The following OSBPL8 variants were observed in gnomAD, a reference collection of about 807,000 sequenced individuals.
The protein encoded by OSBPL8 is oxysterol-binding protein-related protein 8.
In OSBPL8, 59 loss-of-function variants were observed where a neutral mutation model predicts 125.5. The observed-to-expected ratio is 0.47, with a 90% CI of 0.38 to 0.58. The LOEUF (loss-of-function observed/expected upper bound fraction) is 0.58. OSBPL8 is among the 20% of genes least tolerant of loss of function. OSBPL8 has a pLI of 0.00. For missense variants in OSBPL8, 758 were observed against 1,047.8 expected (o/e 0.72, Z 3.82); for synonymous variants, 330 against 338.9 (o/e 0.97, Z 0.29).
chr12:76,500,538 A>G (rs541296709), intron 1 of OSBPL8, among the ~76,000 whole-genome samples: 2 of 152,160 alleles, frequency 1.3e-5, no homozygotes, highest in African/African-American at 4.8e-5. Context: ...TTAAAATTGC[A>G]TATGTTCCTA....
chr12:76,536,508 G>A (rs1449771150), intron 1 of OSBPL8, among the ~76,000 whole-genome samples: 1 of 152,084 alleles, frequency 6.6e-6, no homozygotes. Flanking sequence ...TTAACACTAT[G>A]TATGCTGGTA....
chr12:76,503,202 A>G (rs1334445102), intron 1 of OSBPL8, among the ~76,000 whole-genome samples: 1 of 152,230 alleles, frequency 6.6e-6, no homozygotes, highest in African/African-American at 2.4e-5. Flanking sequence ...GGTAGCTTAA[A>G]CAACAGAACA....
At chr12:76,453,082 C>T (rs1042500760) in intron 3 of OSBPL8, among the ~76,000 whole-genome samples, 5 of 151,860 alleles carry the variant, frequency 3.3e-5, no homozygotes, top group African/African-American at 9.7e-5. Flanking sequence ...CATTGTAGCT[C>T]CTATCATTAT....
chr12:76,473,957 C>A (rs1349887682), intron 2 of OSBPL8, among the ~76,000 whole-genome samples: 1 of 152,060 alleles, frequency 6.6e-6, no homozygotes, highest in African/African-American at 2.4e-5. Flanking sequence ...GAATAGCTGG[C>A]GGCACACAGT....
At chr12:76,429,605 C>A (rs1196361454) in intron 4 of OSBPL8, among the ~76,000 whole-genome samples, 3 of 152,112 alleles carry the variant, frequency 2.0e-5, no homozygotes, top group Non-Finnish European at 4.4e-5. Flanking sequence ...AATACTACCT[C>A]ATAATTAAAT....
chr12:76,397,998 C>T (rs760229172), intron 7 of OSBPL8, 101 bp from the exon 8 acceptor site: 10 of 948,536 alleles, frequency 1.1e-5, no homozygotes, highest in South Asian at 1.7e-5. Context: ...TTCCATAACA[C>T]GTACACTTTA....
intron 1 of OSBPL8, among the ~76,000 whole-genome samples, chr12:76,528,441 C>T (rs1005401310): frequency 1.3e-5 from 2 of 151,678 alleles, no homozygotes; most frequent in Non-Finnish European, 2.9e-5. Flanking sequence ...TTTTGATTAC[C>T]AGAATTTTTT....
chr12:76,396,690 G>A (rs1021290465), intron 8 of OSBPL8, among the ~76,000 whole-genome samples: 6 of 152,106 alleles, frequency 3.9e-5, no homozygotes, highest in Admixed American at 2.6e-4. Context: ...GGAGGTTGAG[G>A]CTGCAGTGAG....
At chr12:76,526,635 C>CTT (rs573409160) in intron 1 of OSBPL8, among the ~76,000 whole-genome samples, 1,597 of 64,320 alleles carry the variant, frequency 0.025, 65 homozygotes, top group East Asian at 0.051. Flanking sequence ...CAGTAAATCT[C>CTT]TTTTTTTTTT....
chr12:76,476,376 C>T (rs1876811121), intron 2 of OSBPL8, among the ~76,000 whole-genome samples: 1 of 151,746 alleles, frequency 6.6e-6, no homozygotes, highest in South Asian at 2.1e-4. Flanking sequence ...AATCAGTGAA[C>T]CAAACTAATC....
intron 2 of OSBPL8, among the ~76,000 whole-genome samples, chr12:76,482,650 G>A (rs1877646559): frequency 6.6e-6 from 1 of 151,962 alleles, no homozygotes; most frequent in Non-Finnish European, 1.5e-5. Context: ...CTATCCTTAA[G>A]TTGAGGAACA....
intron 4 of OSBPL8, among the ~76,000 whole-genome samples, chr12:76,446,679 C>T (rs1175238236): frequency 6.6e-6 from 1 of 151,960 alleles, no homozygotes; most frequent in East Asian, 1.9e-4. Flanking sequence ...ATACTGATGA[C>T]AGTAATGATA....
rs1326487457 is a variant in OSBPL8, at chr12:76,386,631, C to T, written c.1382G>A (p.Arg461His). 5.0e-6 allele frequency: 8 copies of T among 1,606,482 alleles called. No individual in the cohort carries two copies. Among genetic ancestry groups the T allele is most frequent in the Non-Finnish European group, 6.0e-6 (7 of 1,176,070 alleles). ...ATACCATTTCACTACTTTCTTCAAA[C>T]GGAAATAAGGATTTTCTTCAAGAGC... ...EAALEENPYF[R>H]LKKVVKWYLS... The change falls in exon 13 of 24, where the codon CGT becomes CAT. Residue 461 changes from arginine to histidine, a missense_variant. Arg to His is a conservative substitution (Grantham distance 29). Transcript: ENST00000261183.
chr12:76,497,095 C>T (rs943197381), intron 1 of OSBPL8, among the ~76,000 whole-genome samples: 4 of 151,804 alleles, frequency 2.6e-5, no homozygotes, highest in African/African-American at 4.8e-5. Context: ...CCACATTCCA[C>T]AATACATGAA....
intron 12 of OSBPL8, among the ~76,000 whole-genome samples, chr12:76,388,667 G>C (rs1953425503): frequency 6.6e-6 from 1 of 152,038 alleles, no homozygotes; most frequent in Admixed American, 6.6e-5. Flanking sequence ...ACATGTTTAA[G>C]GACTGTTCCT....
chr12:76,504,375 C>T (rs968110948), intron 1 of OSBPL8, among the ~76,000 whole-genome samples: 5 of 152,162 alleles, frequency 3.3e-5, no homozygotes, highest in African/African-American at 1.2e-4. Flanking sequence ...GTGCTCTCCT[C>T]TGTATCATAG....
At chr12:76,546,350 A>T (rs867472771) in intron 1 of OSBPL8, among the ~76,000 whole-genome samples, 2 of 152,312 alleles carry the variant, frequency 1.3e-5, no homozygotes, top group Middle Eastern at 6.8e-3. Flanking sequence ...TTTTACAGAG[A>T]AATCTTCCCT....
At chr12:76,436,791 T>C (rs1871513366) in intron 4 of OSBPL8, among the ~76,000 whole-genome samples, 1 of 152,182 alleles carries the variant, frequency 6.6e-6, no homozygotes, top group Non-Finnish European at 1.5e-5. Context: ...TACACAAGTT[T>C]ATATAACACA....
intron 7 of OSBPL8, among the ~76,000 whole-genome samples, chr12:76,399,264 T>A (rs1953950993): frequency 6.6e-6 from 1 of 152,026 alleles, no homozygotes; most frequent in South Asian, 2.1e-4. Context: ...AGTACTAAAA[T>A]TTTCTGTGAG....
Sources: allele counts gnomAD v4.1 joint callset (sites outside exome capture counted in the v4.1 genomes callset), GRCh38; gene constraint gnomAD v4.1.1; transcripts MANE v1.5; gene names NCBI Gene and HGNC (gene_info 2026-07-23, HGNC 2026-07-21).